Variants in SLC44A2 observed in about 807,000 individuals in gnomAD.
SLC44A2 encodes the protein choline transporter-like protein 2.
SLC44A2 carries 57 observed loss-of-function variants against 90.8 expected under a neutral mutation model. That is an observed-to-expected ratio of 0.63 (90% CI 0.51 to 0.78). The LOEUF (loss-of-function observed/expected upper bound fraction) is 0.78, where lower values mean the gene tolerates loss of function less well. Among genes scored for constraint, SLC44A2 ranks in the 30% least tolerant of loss-of-function variants. The pLI, the probability that SLC44A2 is intolerant of heterozygous loss-of-function variation, is 0.00. For missense variants in SLC44A2, 794 were observed against 919.7 expected, an observed-to-expected ratio of 0.86 and a Z score of 1.77; for synonymous variants, 355 against 360.7, an observed-to-expected ratio of 0.98 and a Z score of 0.18.
chr19:10,637,360 GA>G (rs1044444877), intron 16 of SLC44A2, among the ~76,000 whole-genome samples: 2 of 151,628 alleles, frequency 1.3e-5, no homozygotes, highest in South Asian at 2.1e-4. Flanking sequence ...TCAAAAAAAG[GA>G]AAAAAAACTG....
chr19:10,605,988 C>T (rs1282018938), intron 1 of SLC44A2, among the ~76,000 whole-genome samples: 1 of 150,000 alleles, frequency 6.7e-6, no homozygotes, highest in African/African-American at 2.5e-5. Flanking sequence ...AGCGAGACTC[C>T]ATCTCAAAAA....
At chr19:10,634,031 C>T (rs557546017) in intron 10 of SLC44A2, among the ~76,000 whole-genome samples, 9 of 135,798 alleles carry the variant, frequency 6.6e-5, no homozygotes, top group East Asian at 2.3e-4. Flanking sequence ...AGTGCAGTGG[C>T]GCGATCTCAG....
At chr19:10,616,409 T>C (rs1209474943) in intron 1 of SLC44A2, among the ~76,000 whole-genome samples, 1 of 151,884 alleles carries the variant, frequency 6.6e-6, no homozygotes, top group African/African-American at 2.4e-5. Flanking sequence ...TTTTGTTTTT[T>C]TGTTTTGTTT....
At chr19:10,635,369 T>C in intron 13 of SLC44A2, 62 bp from the exon 14 acceptor site, 2 of 1,609,500 alleles carry the variant, frequency 1.2e-6, no homozygotes, top group South Asian at 2.2e-5. Flanking sequence ...GAATGGATTC[T>C]TTCCCACAAA....
Position 10,602,539 on chromosome 19 carries a change from CGA to C in SLC44A2, c.11_12del (p.Glu4AlafsTer13). On this transcript the variant is annotated frameshift_variant, in exon 1 of 22. Transcript: ENST00000407327. LOFTEE classifies it high-confidence loss of function. ...CCCGCCCCGCCGCGGCCATGGAGGA[CGA>C]GCGGAAAAACGGAGCCTACGGTAGG... is the stretch of plus-strand genomic sequence containing the variant. 1 of 1,280,486 alleles carries C rather than the reference CGA, an allele frequency of 7.8e-7. No individual in the cohort carries two copies. Among genetic ancestry groups the C allele is most frequent in the Non-Finnish European group, 9.9e-7 (1 of 1,007,448 alleles). 79.3% of individuals were successfully genotyped at this position (1,280,486 alleles called of 1,614,324 possible). A position where few individuals can be genotyped will look rare whatever the true frequency, so the allele number is the denominator to read the frequency against.
At chr19:10,628,589 C>T (rs117834294) in intron 4 of SLC44A2, among the ~76,000 whole-genome samples, 2,018 of 152,222 alleles carry the variant, frequency 0.013, 18 homozygotes, top group Non-Finnish European at 0.02. Flanking sequence ...TACTGATAAA[C>T]GTCCCACTAC....
In SLC44A2 at chr19:10,643,390, C is replaced by T. The variant is rs532292169; in HGVS notation, c.*5C>T. 36 of 1,605,766 alleles carry T rather than the reference C, an allele frequency of 2.2e-5. No homozygotes were observed. In the Admixed American group the frequency reaches 5.4e-4, roughly 24 times the overall value. ...AAGAAGGCAGCGGAGTCCTGAAGGC[C>T]CCGTGCTCCCCACCTCTCAAGGAGT... On this transcript the variant is annotated 3_prime_UTR_variant, in exon 22 of 22. Transcript: ENST00000335757.
At chr19:10,611,326 C>T (rs982307532) in intron 1 of SLC44A2, among the ~76,000 whole-genome samples, 4 of 152,032 alleles carry the variant, frequency 2.6e-5, no homozygotes, top group Non-Finnish European at 4.4e-5. Flanking sequence ...GTGGCAGGTA[C>T]CTGTAATCTC....
chr19:10,639,737 G>A (rs1013425337), intron 20 of SLC44A2, among the ~76,000 whole-genome samples: 6 of 152,054 alleles, frequency 3.9e-5, no homozygotes, highest in Non-Finnish European at 7.4e-5. Context: ...AAAAATTAGC[G>A]GGGCGTGGTT....
rs1343734931 is a variant in SLC44A2, at chr19:10,633,327, C to A, written c.823+1171C>A. The stretch of plus-strand genomic sequence containing the variant: ...TACAGGCGCACACCACCATGCCCGG[C>A]TAATTTTTTTTGTATTTTTAGTAGA... On this transcript the variant is annotated intron_variant, in intron 10 of 21. Transcript: ENST00000335757. Among the ~76,000 whole-genome samples the A allele has an allele frequency of 2.6e-5, 4 of 151,910 alleles. No individual in the cohort carries two copies. In the East Asian group the frequency reaches 7.8e-4, roughly 30 times the overall value.
chr19:10,611,912 A>T (rs1202028234), intron 1 of SLC44A2, among the ~76,000 whole-genome samples: 2 of 152,198 alleles, frequency 1.3e-5, no homozygotes, highest in Admixed American at 6.6e-5. Flanking sequence ...ATTATAAGTA[A>T]GTCCTCAAGT....
rs1321312213 is a variant in SLC44A2, at chr19:10,637,632, C to G, written c.1592-12C>G. On this transcript the variant is annotated splice_polypyrimidine_tract_variant and intron_variant, in intron 16 of 21. Coordinates refer to ENST00000335757, the MANE Select transcript of SLC44A2 (RefSeq NM_020428.4). ...GTCCCCTCACTTCCACATCCCTTCC[C>G]TTCTCTTCCAGCTGCAGAGAACAAG... is the stretch of plus-strand genomic sequence containing the variant. The G allele has an allele frequency of 6.2e-7, 1 of 1,611,452 alleles. No homozygotes were observed. Among genetic ancestry groups the G allele is most frequent in the Non-Finnish European group, 8.5e-7 (1 of 1,177,696 alleles).
chr19:10,640,995 G>A (rs1189518352), intron 20 of SLC44A2: 2 of 342,932 alleles, frequency 5.8e-6, no homozygotes, highest in Non-Finnish European at 1.1e-5. Context: ...GCTGAGGTAA[G>A]AGAATCGCTT....
In SLC44A2 at chr19:10,635,077, G is replaced by T; in HGVS notation, c.1055+4G>T. On this transcript the variant is annotated splice_donor_region_variant and intron_variant, in intron 12 of 21. Coordinates refer to ENST00000335757, the MANE Select transcript of SLC44A2 (RefSeq NM_020428.4). ...CACTCATCAAAGAAGCCAGCAGGTG[G>T]GGGGCCAGGGTGCCAGGGGCCAGGA... is the stretch of plus-strand genomic sequence containing the variant. 6.2e-7 allele frequency: 1 copy of T among 1,613,954 alleles called. No homozygotes were observed. The highest frequency in any genetic ancestry group is 8.5e-7 in the Non-Finnish European group (1 of 1,180,000).
At position 10,631,470 on chromosome 19, in the gene SLC44A2, G is replaced by A. The variant is rs780481027; in HGVS notation, c.442-5G>A. The A allele has an allele frequency of 6.2e-7, 1 of 1,614,062 alleles. No homozygotes were observed. Among genetic ancestry groups the A allele is most frequent in the South Asian group, 1.1e-5 (1 of 91,080 alleles). On this transcript the variant is annotated splice_polypyrimidine_tract_variant and splice_region_variant and intron_variant, in intron 6 of 21. Transcript: ENST00000335757. ...GGACTCACCTCCCTCCATCTCTCTT[G>A]GCAGGGAGTGGCTGAGGTGCTTCAA...
chr19:10,640,096 TTTTTTTTTTTC>T (rs1439290483), intron 20 of SLC44A2, among the ~76,000 whole-genome samples: 4 of 81,122 alleles, frequency 4.9e-5, no homozygotes, highest in Non-Finnish European at 9.5e-5. Flanking sequence ...TTTTTTTTTT[TTTTTTTTTTTC>T]TGCGATAGAG....
At chr19:10,632,477 G>A (rs1482762382) in intron 10 of SLC44A2, among the ~76,000 whole-genome samples, 6 of 150,160 alleles carry the variant, frequency 4.0e-5, no homozygotes, top group Admixed American at 4.0e-4. Flanking sequence ...CGGAGGTTGT[G>A]GTGAGCCGAA....
intron 14 of SLC44A2, 65 bp downstream of exon 14, chr19:10,635,580 C>G (rs2067045507): frequency 7.1e-7 from 1 of 1,406,850 alleles, no homozygotes. Flanking sequence ...TTTGAAACCT[C>G]TCATGTCCAC....
intron 10 of SLC44A2, among the ~76,000 whole-genome samples, chr19:10,632,501 A>G (rs886342466): frequency 1.4e-5 from 2 of 145,724 alleles, no homozygotes; most frequent in East Asian, 4.1e-4. Flanking sequence ...ACGCCATTGC[A>G]CTCCAGCCTG....
Sources: gnomAD v4.1 joint callset for allele counts (sites outside exome capture counted in the v4.1 genomes callset) on GRCh38, gnomAD v4.1.1 for gene constraint, MANE v1.5 for transcripts, NCBI Gene and HGNC (gene_info 2026-07-23, HGNC 2026-07-21) for gene names.